FASTKD1: variants seen among roughly 807,000 people sequenced by gnomAD.
FASTKD1 encodes the protein FAST kinase domain-containing protein 1, mitochondrial.
FASTKD1 carries 94 observed loss-of-function variants against 90.9 expected under a neutral mutation model. The ratio of observed to expected loss-of-function variants is 1.03; its 90% confidence interval spans 0.88 to 1.23. The LOEUF is 1.23. Ranked by LOEUF, FASTKD1 falls within the 50% of genes most tolerant of loss-of-function variation. FASTKD1 has a pLI of 0.00. For synonymous variants in FASTKD1, 319 were observed against 345.8 expected (o/e 0.92, Z 0.86); for missense variants, 945 against 993.5 (o/e 0.95, Z 0.66).
Position 169,537,211 on chromosome 2 carries a change from C to T in FASTKD1, c.2188+16G>A. The T allele has an allele frequency of 7.2e-7, 1 of 1,396,558 alleles. No individual in the cohort carries two copies. Among genetic ancestry groups the T allele is most frequent in the South Asian group, 1.2e-5 (1 of 85,608 alleles). The allele number at this position is 1,396,558 out of a possible 1,614,324, so 86.5% of individuals were successfully genotyped here. A position where few individuals can be genotyped will look rare whatever the true frequency, so the allele number is the denominator to read the frequency against. On this transcript the variant is annotated intron_variant, in intron 12 of 14. Transcript: ENST00000453153. ...TGATTTTCTGAAAGTAACTAATAAC[C>T]TACCCAATAACTTACCTACTTTGTG...
chr2:169,529,120 T>C lies in FASTKD1; in HGVS notation c.*705A>G, dbSNP rs1055860445. On this transcript the variant is annotated 3_prime_UTR_variant, in exon 15 of 15. Coordinates refer to ENST00000453153, the MANE Select transcript of FASTKD1 (RefSeq NM_024622.6). ...CTCATTTACTGAATTCTCTATTTGATATATCCACTTAGATGTTTAAAAGAC... is the reference window on the plus strand; with the variant it reads ...CTCATTTACTGAATTCTCTATTTGACATATCCACTTAGATGTTTAAAAGAC... 6.6e-6 allele frequency among the ~76,000 whole-genome samples: 1 copy of C among 152,198 alleles called. No individual in the cohort carries two copies. The highest frequency in any genetic ancestry group is 2.4e-5 in the African/African-American group (1 of 41,460).
intron 6 of FASTKD1, among the ~76,000 whole-genome samples, chr2:169,556,430 T>A (rs562829610): frequency 7.0e-6 from 1 of 142,242 alleles, no homozygotes; most frequent in South Asian, 2.3e-4. Flanking sequence ...AGCCATACCC[T>A]GTCTCAAAAA....
intron 3 of FASTKD1, among the ~76,000 whole-genome samples, chr2:169,567,141 A>C (rs1302088638): frequency 6.6e-6 from 1 of 152,156 alleles, no homozygotes; most frequent in Non-Finnish European, 1.5e-5. Flanking sequence ...AAGTTTATAG[A>C]TATTTTAGCA....
At chr2:169,537,932 G>T in intron 11 of FASTKD1, 81 bp downstream of exon 11, 1 of 1,231,910 alleles carries the variant, frequency 8.1e-7, no homozygotes, top group Non-Finnish European at 1.1e-6. Context: ...TCATGTTTAA[G>T]TATAACAAGA....
intron 7 of FASTKD1, among the ~76,000 whole-genome samples, chr2:169,552,965 C>T (rs539672898): frequency 4.6e-5 from 7 of 151,966 alleles, no homozygotes; most frequent in African/African-American, 1.7e-4. Flanking sequence ...CCAGCACTTT[C>T]GGAGGCCAAA....
chr2:169,545,732 G>A (rs900586817), intron 8 of FASTKD1, among the ~76,000 whole-genome samples: 4 of 152,216 alleles, frequency 2.6e-5, no homozygotes, highest in South Asian at 2.1e-4. Flanking sequence ...AATACCACAC[G>A]ATTACAGAAA....
At chr2:169,568,439 A>G (rs186725873) in intron 3 of FASTKD1, among the ~76,000 whole-genome samples, 259 of 152,156 alleles carry the variant, frequency 1.7e-3, no homozygotes, top group African/African-American at 5.9e-3. Context: ...ACATGTGTGG[A>G]AAAGTATACT....
chr2:169,550,230 TA>T (rs1320767536), intron 7 of FASTKD1, among the ~76,000 whole-genome samples: 1 of 152,138 alleles, frequency 6.6e-6, no homozygotes, highest in Admixed American at 6.6e-5. Context: ...GGAATAGTAA[TA>T]AGTGAATTAT....
At chr2:169,565,307 G>C (rs1330509639) in intron 3 of FASTKD1, among the ~76,000 whole-genome samples, 1 of 117,054 alleles carries the variant, frequency 8.5e-6, no homozygotes, top group Non-Finnish European at 1.6e-5. Context: ...CTGTCACCCA[G>C]GCTGGAGTGC....
chr2:169,537,949 A>G, intron 11 of FASTKD1, 64 bp downstream of exon 11: 1 of 1,407,112 alleles, frequency 7.1e-7, no homozygotes, highest in South Asian at 1.3e-5. Flanking sequence ...AAGATTAACA[A>G]TGTACTACCT....
intron 1 of FASTKD1, 84 bp from the exon 2 acceptor site, chr2:169,572,255 T>C: frequency 2.7e-6 from 1 of 365,170 alleles, no homozygotes; most frequent in Non-Finnish European, 4.7e-6. Flanking sequence ...GTAATACATT[T>C]TTTCTGCATT....
intron 12 of FASTKD1, among the ~76,000 whole-genome samples, chr2:169,534,081 G>T (rs1684611422): frequency 6.8e-6 from 1 of 147,752 alleles, no homozygotes. Flanking sequence ...TGAGGTGGGA[G>T]AATCACTTGA....
At chr2:169,567,614 A>G (rs978201203) in intron 3 of FASTKD1, among the ~76,000 whole-genome samples, 4 of 152,224 alleles carry the variant, frequency 2.6e-5, no homozygotes, top group East Asian at 1.9e-4. Flanking sequence ...TTACCAATAT[A>G]TAAGTATTTA....
rs1209119150 is a variant in FASTKD1 at position 169,573,717 on chromosome 2, G to A, written c.-191C>T. ...CCGCAAATTTTCTGGAGGATCCTGG[G>A]GTTATGAAAGCTCAGAAGTCAGGGT... On this transcript the variant is annotated 5_prime_UTR_variant, in exon 1 of 15. Coordinates refer to ENST00000453153, the MANE Select transcript of FASTKD1 (RefSeq NM_024622.6). 6.6e-6 allele frequency: 1 copy of A among 152,250 alleles called. No individual in the cohort carries two copies. The highest frequency in any genetic ancestry group is 1.5e-5 in the Non-Finnish European group (1 of 68,082). 9.4% of individuals were successfully genotyped at this position (152,250 alleles called of 1,614,324 possible).
chr2:169,550,825 G>T (rs933034839), intron 7 of FASTKD1, among the ~76,000 whole-genome samples: 4 of 152,164 alleles, frequency 2.6e-5, no homozygotes, highest in African/African-American at 9.7e-5. Context: ...CACTTAGTTA[G>T]TACTGCATAT....
intron 3 of FASTKD1, among the ~76,000 whole-genome samples, chr2:169,566,256 C>T (rs1004343672): frequency 2.6e-5 from 4 of 151,954 alleles, no homozygotes; most frequent in African/African-American, 4.8e-5. Context: ...GAGAAACATA[C>T]TGAGGTATTT....
Position 169,560,377 on chromosome 2 carries a change from C to G in FASTKD1, c.971+10G>C, listed in dbSNP as rs546483748. On this transcript the variant is annotated intron_variant, in intron 5 of 14. Transcript: ENST00000453153. ...AACAAAAAAAGTAATGCATTTTAAA[C>G]TGAACTTACTGTTTCTTTTCTTCAG... is the stretch of plus-strand genomic sequence containing the variant. The G allele has an allele frequency of 6.6e-7, 1 of 1,522,600 alleles. No homozygotes were observed. The highest frequency in any genetic ancestry group is 1.4e-5 in the South Asian group (1 of 73,452). The allele number at this position is 1,522,600 out of a possible 1,614,324, so 94.3% of individuals were successfully genotyped here.
Position 169,528,979 on chromosome 2 carries a change from A to T in FASTKD1, c.*846T>A, listed in dbSNP as rs976451953. Among the ~76,000 whole-genome samples, 11 of 151,816 alleles carry T rather than the reference A, an allele frequency of 7.2e-5. No individual in the cohort carries two copies. Among genetic ancestry groups the T allele is most frequent in the African/African-American group, 2.4e-4 (10 of 41,260 alleles). Reference sequence around the variant, plus strand: ...AACTCAGTCCTCAGACCTCTCCTCCATTCACACTCTTCTCTAATCTCATTT... The same window carrying T: ...AACTCAGTCCTCAGACCTCTCCTCCTTTCACACTCTTCTCTAATCTCATTT... On this transcript the variant is annotated 3_prime_UTR_variant, in exon 15 of 15. Transcript: ENST00000453153.
At chr2:169,534,529 G>A (rs1409129208) in intron 12 of FASTKD1, among the ~76,000 whole-genome samples, 3 of 146,186 alleles carry the variant, frequency 2.1e-5, no homozygotes, top group African/African-American at 5.0e-5. Context: ...GCACGATCCC[G>A]GCTCACTGCA....
Sources: allele counts gnomAD v4.1 joint callset (sites outside exome capture counted in the v4.1 genomes callset), GRCh38; gene constraint gnomAD v4.1.1; transcripts MANE v1.5; gene names NCBI Gene and HGNC (gene_info 2026-07-23, HGNC 2026-07-21).